VWA3A: variants seen among roughly 807,000 people sequenced by gnomAD.
VWA3A encodes von Willebrand factor A domain containing 3A.
A neutral mutation model predicts 160.4 loss-of-function variants in VWA3A; 134 were observed. The observed-to-expected ratio is 0.84, with a 90% CI of 0.73 to 0.96. The LOEUF (loss-of-function observed/expected upper bound fraction) is 0.96. Among genes scored for constraint, VWA3A ranks in the 40% least tolerant of loss-of-function variants. The pLI, the probability that VWA3A is intolerant of heterozygous loss-of-function variation, is 0.00. For synonymous variants in VWA3A, 476 were observed against 543.4 expected, an observed-to-expected ratio of 0.88 and a Z score of 1.72; for missense variants, 1,310 against 1,447.9, an observed-to-expected ratio of 0.90 and a Z score of 1.55.
chr16:22,100,971 A>T (rs2045399906), intron 5 of VWA3A, among the ~76,000 whole-genome samples: 1 of 151,444 alleles, frequency 6.6e-6, no homozygotes, highest in South Asian at 2.1e-4. Context: ...TCTCAAAAAA[A>T]AAAAAAAAAA....
chr16:22,097,000 C>G, intron 2 of VWA3A, 55 bp downstream of exon 2: 1 of 1,174,844 alleles, frequency 8.5e-7, no homozygotes, highest in Non-Finnish European at 1.2e-6. Context: ...GATTCTCGCA[C>G]TGTCTCCCAG....
chr16:22,100,855 A>AG (rs1483103603), intron 5 of VWA3A, among the ~76,000 whole-genome samples: 2 of 149,482 alleles, frequency 1.3e-5, no homozygotes, highest in Non-Finnish European at 3.0e-5. Flanking sequence ...AAAAAAAAAA[A>AG]GAAAGGAAAA....
In VWA3A at chr16:22,142,733, C is replaced by T. The variant is rs749623316; in HGVS notation, c.2560C>T (p.Pro854Ser). ...LRRTSSSIDLPRKDTVCSSQE... is the reference protein window; with the variant it reads ...LRRTSSSIDLSRKDTVCSSQE... ...AAGGACTAGCTCTTCTATTGACTTA[C>T]CCAGAAAGGATACAGTTTGCTCAAG... Residue 854 changes from proline to serine, a missense_variant, in exon 25 of 34, where the codon CCC (proline) becomes TCC (serine). By Grantham distance (74) the Pro-to-Ser change is moderately conservative. Transcript: ENST00000389398. 1 of 1,574,700 alleles carries T rather than the reference C, an allele frequency of 6.4e-7. No homozygotes were observed. Among genetic ancestry groups the T allele is most frequent in the South Asian group, 1.2e-5 (1 of 85,458 alleles).
intron 11 of VWA3A, 26 bp from the exon 12 acceptor site, chr16:22,118,876 T>A: frequency 6.2e-7 from 1 of 1,613,452 alleles, no homozygotes; most frequent in South Asian, 1.1e-5. Flanking sequence ...TGATTCCGGA[T>A]GTCTGATTGC....
At chr16:22,121,752 C>A (rs2045738947) in intron 14 of VWA3A, 135 bp downstream of exon 14, 1 of 676,380 alleles carries the variant, frequency 1.5e-6, no homozygotes, top group East Asian at 2.7e-5. Flanking sequence ...GAATGCACAT[C>A]AAATCCACTG....
In VWA3A at chr16:22,138,389, C is replaced by T; in HGVS notation, c.2169C>T (p.Asn723=). 1 of 1,605,476 alleles carries T rather than the reference C, an allele frequency of 6.2e-7. No individual in the cohort carries two copies. Among genetic ancestry groups the T allele is most frequent in the African/African-American group, 1.3e-5 (1 of 74,792 alleles). Residue 723 remains asparagine (N), a synonymous_variant, in exon 22 of 34, where the codon AAC becomes AAT. Coordinates refer to ENST00000389398, the MANE Select transcript of VWA3A (RefSeq NM_173615.5). ...CCTTCCTCATGGCCTCCCTGAAGAA[C>T]CATTCAGGAAAAGTACTGGGAAGTT... The part of the protein sequence containing the change: ...KCAFLMASLK[N]HSGKVLGSSA...
At chr16:22,109,096 G>A (rs2045518654) in intron 6 of VWA3A, among the ~76,000 whole-genome samples, 1 of 151,968 alleles carries the variant, frequency 6.6e-6, no homozygotes, top group African/African-American at 2.4e-5. Context: ...TGATAGAGTA[G>A]GCAAAAAATA....
intron 4 of VWA3A, 34 bp from the exon 5 acceptor site, chr16:22,100,382 C>T (rs921333836): frequency 2.3e-5 from 36 of 1,551,492 alleles, no homozygotes; most frequent in Middle Eastern, 1.7e-4. Context: ...CCCCTGGGCC[C>T]GAGAGATCCC....
intron 8 of VWA3A, among the ~76,000 whole-genome samples, chr16:22,111,328 T>G (rs988631382): frequency 1.5e-4 from 23 of 151,302 alleles, no homozygotes; most frequent in African/African-American, 5.1e-4. Context: ...GTCTCCCTCT[T>G]TTTTTTTTCA....
chr16:22,140,707 T>C (rs2046131361), intron 23 of VWA3A, among the ~76,000 whole-genome samples: 1 of 150,384 alleles, frequency 6.6e-6, no homozygotes, highest in African/African-American at 2.5e-5. Context: ...ACCTCCTGGG[T>C]TCAAGCGATT....
rs200902486 is a variant in VWA3A at position 22,141,598 on chromosome 16, G to T, written c.2400G>T (p.Thr800=). ...GTTCCTCAGCTGCGGCCCAGCCAAC[G>T]AAAGAAGGGATGATGGAACTGAGGA... The part of the protein sequence containing the change: ...VGISPAAAQP[T]KEGMMELRRK... The change falls in exon 24 of 34, where the codon ACG becomes ACT. Residue 800 remains threonine, a synonymous_variant. Transcript: ENST00000389398. 1 of 1,611,566 alleles carries T rather than the reference G, an allele frequency of 6.2e-7. No homozygotes were observed. Among genetic ancestry groups the T allele is most frequent in the South Asian group, 1.1e-5 (1 of 90,346 alleles).
chr16:22,141,160 C>A, intron 23 of VWA3A: 1 of 458,244 alleles, frequency 2.2e-6, no homozygotes, highest in South Asian at 1.5e-5. Flanking sequence ...AAGTACTCAG[C>A]TCGTAGAACC....
chr16:22,144,176 T>G, intron 25 of VWA3A, 71 bp from the exon 26 acceptor site: 1 of 1,503,884 alleles, frequency 6.6e-7, no homozygotes. Flanking sequence ...GAGGTTCTCA[T>G]AGACCAGTCA....
chr16:22,140,933 A>G (rs1390650924), intron 23 of VWA3A, among the ~76,000 whole-genome samples: 1 of 152,134 alleles, frequency 6.6e-6, no homozygotes, highest in African/African-American at 2.4e-5. Context: ...AATAATAATC[A>G]TAATAGCAAT....
chr16:22,147,460 G>T (rs2046273691), intron 27 of VWA3A: 1 of 651,058 alleles, frequency 1.5e-6, no homozygotes, highest in South Asian at 1.7e-5. Flanking sequence ...TTCGGGCTAT[G>T]GGGCCTGGAG....
chr16:22,115,296 A>G, intron 8 of VWA3A, 51 bp from the exon 9 acceptor site: 4 of 1,511,834 alleles, frequency 2.6e-6, no homozygotes, highest in Non-Finnish European at 3.5e-6. Context: ...TTAAAATGAA[A>G]TTCAATACAA....
At chr16:22,100,515 C>T in intron 5 of VWA3A, 22 bp downstream of exon 5, 2 of 1,545,998 alleles carry the variant, frequency 1.3e-6, no homozygotes, top group Non-Finnish European at 1.8e-6. Context: ...TCTCACTGTC[C>T]TCCCAACACC....
rs145597508 is a variant in VWA3A, at chr16:22,100,766, G to A, written c.428+273G>A. ...TGAGGCAGGAGAATCGCTTGAACTC[G>A]GGAGGTGGAGGTTCCAGTGAGCTAA... is the stretch of plus-strand genomic sequence containing the variant. On this transcript the variant is annotated intron_variant, in intron 5 of 33. Coordinates refer to ENST00000389398, the MANE Select transcript of VWA3A (RefSeq NM_173615.5). Among the ~76,000 whole-genome samples the A allele has an allele frequency of 7.3e-5, 11 of 151,492 alleles. No homozygotes were observed. In the East Asian group the frequency reaches 1.6e-3, roughly 21 times the overall value.
Position 22,123,140 on chromosome 16 carries a change from A to G in VWA3A, c.1412A>G (p.Asp471Gly). The G allele has an allele frequency of 2.5e-6, 4 of 1,605,242 alleles. No individual in the cohort carries two copies. The highest frequency in any genetic ancestry group is 3.4e-6 in the Non-Finnish European group (4 of 1,175,740). ...HDGTVKNIHVDPPFLYKYQQQ... is the reference protein window; with the variant it reads ...HDGTVKNIHVGPPFLYKYQQQ... Reference sequence around the variant, plus strand: ...GGGACAGTGAAGAACATTCATGTGGACCCACCCTTCCTCTATAAGTACCAG... The same window carrying G: ...GGGACAGTGAAGAACATTCATGTGGGCCCACCCTTCCTCTATAAGTACCAG... The change falls in exon 15 of 34, where the codon GAC becomes GGC. Residue 471 changes from aspartate (D) to glycine (G), a missense_variant. Coordinates refer to ENST00000389398, the MANE Select transcript of VWA3A (RefSeq NM_173615.5).
Sources: gnomAD v4.1 joint callset for allele counts (sites outside exome capture counted in the v4.1 genomes callset) on GRCh38, gnomAD v4.1.1 for gene constraint, MANE v1.5 for transcripts, NCBI Gene and HGNC (gene_info 2026-07-23, HGNC 2026-07-21) for gene names.